KIF26A: variants seen among roughly 807,000 people sequenced by gnomAD.
KIF26A encodes kinesin-like protein KIF26A.
A neutral mutation model predicts 126.0 loss-of-function variants in KIF26A; 74 were observed. The ratio of observed to expected loss-of-function variants is 0.59; its 90% CI spans 0.49 to 0.71. The LOEUF (loss-of-function observed/expected upper bound fraction) is 0.71. Among genes scored for constraint, KIF26A ranks in the 30% least tolerant of loss-of-function variants. The probability of loss-of-function intolerance (pLI) is 0.00; values close to 1 mark genes in which losing one functional copy is unlikely to be tolerated. For missense variants in KIF26A, 2,984 were observed against 2,763.3 expected (o/e 1.08, Z -1.79); for synonymous variants, 1,445 against 1,232.7 (o/e 1.17, Z -3.61).
chr14:104,172,776 A>G lies in KIF26A; in HGVS notation c.1420+108A>G, dbSNP rs1023723672. On this transcript the variant is annotated intron_variant, in intron 7 of 14. Coordinates refer to ENST00000423312, the MANE Select transcript of KIF26A (RefSeq NM_015656.2). Reference sequence around the variant, plus strand: ...ATGGGAAAGGAGGCTGGTCCTACACATGGGCCGTGGTGGGCATATGGGGTG... The same window carrying G: ...ATGGGAAAGGAGGCTGGTCCTACACGTGGGCCGTGGTGGGCATATGGGGTG... The G allele has an allele frequency of 7.3e-6, 8 of 1,095,954 alleles. No individual in the cohort carries two copies. In the African/African-American group the frequency reaches 7.8e-5, roughly 11 times the overall value. 67.9% of individuals were successfully genotyped at this position (1,095,954 alleles called of 1,614,324 possible).
At position 104,176,503 on chromosome 14, in the gene KIF26A, TTTGAGG is replaced by T; in HGVS notation, c.3716_3721del (p.Phe1239_Asp1241delinsTyr). Reference sequence around the variant, plus strand: ...GAGCCCACCTGGCCGTGGAGGCCTGTTTGAGGACCCATGGCTGCTCCGGGTAGGGGA... The same window carrying T: ...GAGCCCACCTGGCCGTGGAGGCCTGTACCCATGGCTGCTCCGGGTAGGGGA... On this transcript the variant is annotated inframe_deletion, in exon 12 of 15. Coordinates refer to ENST00000423312, the MANE Select transcript of KIF26A (RefSeq NM_015656.2). 1 of 1,605,544 alleles carries T rather than the reference TTTGAGG, an allele frequency of 6.2e-7. No individual in the cohort carries two copies. Among genetic ancestry groups the T allele is most frequent in the Non-Finnish European group, 8.5e-7 (1 of 1,179,628 alleles).
Position 104,175,717 on chromosome 14 carries a change from G to A in KIF26A, c.2929G>A (p.Ala977Thr), listed in dbSNP as rs899926229. The change falls in exon 12 of 15, where the codon GCA (alanine) becomes ACA (threonine). Residue 977 changes from alanine (A) to threonine (T), a missense_variant. Physicochemically the swap from Ala to Thr is moderately conservative, Grantham distance 58. Coordinates refer to ENST00000423312, the MANE Select transcript of KIF26A (RefSeq NM_015656.2). The part of the protein sequence containing the change: ...EPGGGGTDGV[A>T]RTPPVGMSGQ... ...TGGGGGAGGGGGCACTGATGGAGTG[G>A]CACGGACCCCTCCCGTGGGCATGAG... is the stretch of plus-strand genomic sequence containing the variant. 3 of 1,585,696 alleles carry A rather than the reference G, an allele frequency of 1.9e-6. No homozygotes were observed. The highest frequency in any genetic ancestry group is 2.6e-6 in the Non-Finnish European group (3 of 1,167,344).
chr14:104,138,844 C>A (rs1195851532), intron 1 of KIF26A, 80 bp downstream of exon 1: 4 of 1,257,808 alleles, frequency 3.2e-6, no homozygotes, highest in Non-Finnish European at 4.0e-6. Flanking sequence ...TGCGCTGGAT[C>A]CCTGGGGGCC....
At chr14:104,141,414 G>T (rs1034036889) in intron 2 of KIF26A, among the ~76,000 whole-genome samples, 16 of 152,378 alleles carry the variant, frequency 1.1e-4, no homozygotes, top group Admixed American at 2.0e-4. Context: ...TCTGTCTCAT[G>T]CTTGGATCTT....
intron 10 of KIF26A, 112 bp from the exon 11 acceptor site, chr14:104,174,036 G>T: frequency 7.1e-7 from 1 of 1,408,940 alleles, no homozygotes; most frequent in African/African-American, 1.5e-5. Flanking sequence ...CCCACGCTGG[G>T]CTGGTGCCGG....
chr14:104,143,963 G>A (rs911191595), intron 2 of KIF26A, among the ~76,000 whole-genome samples: 92 of 152,234 alleles, frequency 6.0e-4, no homozygotes, highest in African/African-American at 2.0e-3. Flanking sequence ...TCGGGAGGCC[G>A]TGGAGCTCGG....
At chr14:104,162,072 T>A (rs2037838227) in intron 4 of KIF26A, among the ~76,000 whole-genome samples, 1 of 152,150 alleles carries the variant, frequency 6.6e-6, no homozygotes, top group Admixed American at 6.5e-5. Flanking sequence ...TGTCTGATGG[T>A]CGTTTCCATG....
chr14:104,164,734 TGTGTGC>T (rs1338145068), intron 4 of KIF26A, among the ~76,000 whole-genome samples: 8 of 151,182 alleles, frequency 5.3e-5, no homozygotes, highest in Admixed American at 1.3e-4. Flanking sequence ...CGTGTCTGTG[TGTGTGC>T]GCGTGTCTGT....
In KIF26A at chr14:104,139,007, A is replaced by C. The variant is rs1436905969; in HGVS notation, c.43-36A>C. The C allele has an allele frequency of 6.0e-6, 8 of 1,328,036 alleles. No homozygotes were observed. In the East Asian group the frequency reaches 2.5e-4, roughly 42 times the overall value. The allele number at this position is 1,328,036 out of a possible 1,614,324, so 82.3% of individuals were successfully genotyped here. A position where few individuals can be genotyped will look rare whatever the true frequency, so the allele number is the denominator to read the frequency against. On this transcript the variant is annotated intron_variant, in intron 1 of 14. Transcript: ENST00000423312. ...GGGGTCTGGATCCGACGGACGTCCC[A>C]GGCTCACTGTCCGCTTCCGCCCCCA...
intron 2 of KIF26A, among the ~76,000 whole-genome samples, chr14:104,149,261 C>T (rs145922483): frequency 3.9e-4 from 60 of 152,106 alleles, no homozygotes; most frequent in Admixed American, 5.9e-4. Context: ...CCTGCTGGGT[C>T]GGGGTTGGGT....
chr14:104,179,566 C>T lies in KIF26A; in HGVS notation c.5468-43C>T, dbSNP rs780326394. On this transcript the variant is annotated intron_variant, in intron 14 of 14. Coordinates refer to ENST00000423312, the MANE Select transcript of KIF26A (RefSeq NM_015656.2). ...GGGGCCAGGTGGCTGCCCCCAGCCT[C>T]GGGCCTGACGCAGGTGCCCCTCCCC... 19 of 1,468,152 alleles carry T rather than the reference C, an allele frequency of 1.3e-5. 1 individual carries two copies. The highest frequency in any genetic ancestry group is 2.4e-4 in the Middle Eastern group (1 of 4,106). 90.9% of individuals were successfully genotyped at this position (1,468,152 alleles called of 1,614,324 possible). A position where few individuals can be genotyped will look rare whatever the true frequency, so the allele number is the denominator to read the frequency against.
chr14:104,173,927 C>T (rs1049562476), intron 10 of KIF26A, 59 bp downstream of exon 10: 1 of 1,515,862 alleles, frequency 6.6e-7, no homozygotes, highest in Non-Finnish European at 8.8e-7. Flanking sequence ...CCTGGTAAAT[C>T]CGTGTCTGGT....
chr14:104,170,691 C>G (rs2037948633), intron 5 of KIF26A, among the ~76,000 whole-genome samples: 1 of 152,260 alleles, frequency 6.6e-6, no homozygotes, highest in Non-Finnish European at 1.5e-5. Flanking sequence ...TGTGCGCAGC[C>G]TCTGCCGGGT....
chr14:104,157,140 C>T (rs140687023), intron 3 of KIF26A, among the ~76,000 whole-genome samples: 2 of 152,130 alleles, frequency 1.3e-5, no homozygotes, highest in African/African-American at 2.4e-5. Flanking sequence ...GTGGAGCTCA[C>T]GTTTGCTGGG....
intron 2 of KIF26A, 38 bp downstream of exon 2, chr14:104,139,326 G>A: frequency 7.2e-7 from 1 of 1,394,544 alleles, no homozygotes; most frequent in Non-Finnish European, 9.4e-7. Flanking sequence ...CTCCGAGCAG[G>A]GCCACGCCGA....
chr14:104,179,566 C>G lies in KIF26A; in HGVS notation c.5468-43C>G, dbSNP rs780326394. On this transcript the variant is annotated intron_variant, in intron 14 of 14. Coordinates refer to ENST00000423312, the MANE Select transcript of KIF26A (RefSeq NM_015656.2). ...GGGGCCAGGTGGCTGCCCCCAGCCTCGGGCCTGACGCAGGTGCCCCTCCCC... is the reference window on the plus strand; with the variant it reads ...GGGGCCAGGTGGCTGCCCCCAGCCTGGGGCCTGACGCAGGTGCCCCTCCCC... 2.0e-6 allele frequency: 3 copies of G among 1,468,270 alleles called. No individual in the cohort carries two copies. In the Admixed American group the frequency reaches 7.2e-5, roughly 35 times the overall value. 91.0% of individuals were successfully genotyped at this position (1,468,270 alleles called of 1,614,324 possible). A position where few individuals can be genotyped will look rare whatever the true frequency, so the allele number is the denominator to read the frequency against.
At chr14:104,162,241 G>A (rs2037839983) in intron 4 of KIF26A, among the ~76,000 whole-genome samples, 1 of 152,216 alleles carries the variant, frequency 6.6e-6, no homozygotes, top group African/African-American at 2.4e-5. Flanking sequence ...GCCCCAGGAG[G>A]AGGAGGCGCC....
At chr14:104,172,255 G>T (rs2037966866) in intron 6 of KIF26A, among the ~76,000 whole-genome samples, 1 of 152,246 alleles carries the variant, frequency 6.6e-6, no homozygotes, top group Non-Finnish European at 1.5e-5. Flanking sequence ...CCCTGCCCAT[G>T]CTGAGCCGTG....
At chr14:104,155,885 C>T (rs944519931) in intron 3 of KIF26A, among the ~76,000 whole-genome samples, 3 of 152,136 alleles carry the variant, frequency 2.0e-5, no homozygotes, top group African/African-American at 7.2e-5. Context: ...GCCGGGTGGG[C>T]TGTGGTGTAG....
Sources: gnomAD v4.1 joint callset for allele counts (sites outside exome capture counted in the v4.1 genomes callset) on GRCh38, gnomAD v4.1.1 for gene constraint, MANE v1.5 for transcripts, NCBI Gene and HGNC (gene_info 2026-07-23, HGNC 2026-07-21) for gene names.